The following LHFPL6 variants were observed in gnomAD, a reference collection of about 807,000 sequenced individuals.
LHFPL6 encodes LHFPL tetraspan subfamily member 6 protein.
In LHFPL6, 9 loss-of-function variants were observed where a neutral mutation model predicts 20.6. The ratio of observed to expected loss-of-function variants is 0.44; its 90% CI spans 0.26 to 0.76. LHFPL6 has a LOEUF of 0.76. Among genes scored for constraint, LHFPL6 ranks in the 30% least tolerant of loss-of-function variants. The probability of loss-of-function intolerance (pLI) is 0.20; values close to 1 mark genes in which losing one functional copy is unlikely to be tolerated. For synonymous variants in LHFPL6, 105 were observed against 98.7 expected (o/e 1.06, Z -0.38); for missense variants, 218 against 253.5 (o/e 0.86, Z 0.95).
At chr13:39,420,081 C>T (rs147545785) in intron 2 of LHFPL6, among the ~76,000 whole-genome samples, 1 of 152,272 alleles carries the variant, frequency 6.6e-6, no homozygotes, top group African/African-American at 2.4e-5. Flanking sequence ...GGCCTTTACG[C>T]TAACAGGCAA....
At chr13:39,414,656 AT>A (rs536657812) in intron 2 of LHFPL6, among the ~76,000 whole-genome samples, 5 of 151,782 alleles carry the variant, frequency 3.3e-5, no homozygotes, top group African/African-American at 1.2e-4. Context: ...CTGTGGGCTT[AT>A]TTTTTTTGCC....
chr13:39,595,650 T>C (rs954934071), intron 2 of LHFPL6, among the ~76,000 whole-genome samples: 1 of 152,288 alleles, frequency 6.6e-6, no homozygotes, highest in Non-Finnish European at 1.5e-5. Flanking sequence ...TGTTTCACCA[T>C]GTAGGCCTCC....
At chr13:39,517,932 C>T (rs1593345937) in intron 2 of LHFPL6, among the ~76,000 whole-genome samples, 1 of 152,170 alleles carries the variant, frequency 6.6e-6, no homozygotes, top group African/African-American at 2.4e-5. Context: ...CTCTGTTCCA[C>T]CCACCCCCAG....
intron 2 of LHFPL6, among the ~76,000 whole-genome samples, chr13:39,562,173 T>C (rs1006076079): frequency 1.3e-5 from 2 of 152,034 alleles, no homozygotes; most frequent in African/African-American, 2.4e-5. Flanking sequence ...TACCCTTTCA[T>C]TCCTCTAGGT....
chr13:39,571,053 A>T (rs1214296075), intron 2 of LHFPL6, among the ~76,000 whole-genome samples: 1 of 152,212 alleles, frequency 6.6e-6, no homozygotes, highest in Non-Finnish European at 1.5e-5. Flanking sequence ...TTCAGATTTT[A>T]GGCAAGCTTA....
At chr13:39,395,863 G>A (rs1431823527) in intron 2 of LHFPL6, among the ~76,000 whole-genome samples, 1 of 152,204 alleles carries the variant, frequency 6.6e-6, no homozygotes. Context: ...CTGAATGGCT[G>A]CTGGTGGCAA....
chr13:39,560,480 T>A lies in LHFPL6; in HGVS notation c.385+40352A>T, dbSNP rs1457949735. 4.7e-5 allele frequency among the ~76,000 whole-genome samples: 7 copies of A among 150,482 alleles called. No homozygotes were observed. The South Asian group carries it at 1.5e-3, about 32-fold the overall frequency. ...ACTGCCTGGGAGTGTTCAAGCACAA[T>A]CTCCTTTGGGTTATGCAAATTCTCT... On this transcript the variant is annotated intron_variant, in intron 2 of 3. Transcript: ENST00000379589.
intron 2 of LHFPL6, among the ~76,000 whole-genome samples, chr13:39,396,795 C>T (rs1870853197): frequency 1.3e-5 from 2 of 151,596 alleles, no homozygotes; most frequent in African/African-American, 4.8e-5. Context: ...GACACTGTCT[C>T]AAAAAGAAAA....
chr13:39,355,801 TAACGATA>T (rs1334414340), intron 3 of LHFPL6, among the ~76,000 whole-genome samples: 6 of 152,202 alleles, frequency 3.9e-5, no homozygotes, highest in Non-Finnish European at 7.3e-5. Context: ...GGGCATTACA[TAACGATA>T]AAGGGTTCAA....
chr13:39,364,098 T>C (rs1869949824), intron 3 of LHFPL6, among the ~76,000 whole-genome samples: 1 of 152,342 alleles, frequency 6.6e-6, no homozygotes, highest in Non-Finnish European at 1.5e-5. Context: ...ATGTAGTGCG[T>C]GACTGTACTT....
rs1014617064 is a variant in LHFPL6 at position 39,422,586 on chromosome 13, C to T, written c.386-44060G>A. On this transcript the variant is annotated intron_variant, in intron 2 of 3. Coordinates refer to ENST00000379589, the MANE Select transcript of LHFPL6 (RefSeq NM_005780.3). ...GGGCAACAAGAGCGAAACTCCAACT[C>T]AAAAAAAAAAAAAAAAAAGAAGAAG... Among the ~76,000 whole-genome samples the T allele has an allele frequency of 5.1e-5, 6 of 118,800 alleles. No homozygotes were observed. In the East Asian group the frequency reaches 1.6e-3, roughly 32 times the overall value. 77.9% of individuals were successfully genotyped at this position (118,800 alleles called of 152,430 possible). A position where few individuals can be genotyped will look rare whatever the true frequency, so the allele number is the denominator to read the frequency against.
At chr13:39,519,613 T>C (rs944652638) in intron 2 of LHFPL6, among the ~76,000 whole-genome samples, 4 of 152,252 alleles carry the variant, frequency 2.6e-5, no homozygotes, top group Admixed American at 2.6e-4. Context: ...ATTTTTTTCT[T>C]TTTCTTTTAA....
intron 2 of LHFPL6, among the ~76,000 whole-genome samples, chr13:39,391,145 C>T (rs1251748322): frequency 6.6e-6 from 1 of 152,202 alleles, no homozygotes; most frequent in African/African-American, 2.4e-5. Flanking sequence ...ACTCTGATGG[C>T]AGATACTACT....
intron 2 of LHFPL6, among the ~76,000 whole-genome samples, chr13:39,417,556 T>C (rs150422717): frequency 1.3e-5 from 2 of 152,296 alleles, no homozygotes; most frequent in South Asian, 2.1e-4. Context: ...CAAGGACCAA[T>C]TTTCCTTAAG....
In LHFPL6 at chr13:39,554,007, T is replaced by C. The variant is rs563861875; in HGVS notation, c.385+46825A>G. On this transcript the variant is annotated intron_variant, in intron 2 of 3. Coordinates refer to ENST00000379589, the MANE Select transcript of LHFPL6 (RefSeq NM_005780.3). The stretch of plus-strand genomic sequence containing the variant: ...GGTTGTCGTTTTAAGCTATGAAATT[T>C]TGAGGTGGCTTGTTATACCTTATGA... Among the ~76,000 whole-genome samples the C allele has an allele frequency of 1.5e-3, 231 of 152,362 alleles. 2 individuals are homozygous for C. The highest frequency in any genetic ancestry group is 5.1e-3 in the African/African-American group (214 of 41,600).
chr13:39,431,827 C>A (rs1871819556), intron 2 of LHFPL6, among the ~76,000 whole-genome samples: 1 of 151,982 alleles, frequency 6.6e-6, no homozygotes, highest in African/African-American at 2.4e-5. Flanking sequence ...CACTCCAGCC[C>A]AAGTCACCCT....
chr13:39,422,334 C>T (rs928163411), intron 2 of LHFPL6, among the ~76,000 whole-genome samples: 1 of 152,128 alleles, frequency 6.6e-6, no homozygotes, highest in Non-Finnish European at 1.5e-5. Flanking sequence ...AGCAGTGGCT[C>T]ACGCCTGTAA....
At chr13:39,595,035 T>C (rs566879345) in intron 2 of LHFPL6, among the ~76,000 whole-genome samples, 1 of 152,156 alleles carries the variant, frequency 6.6e-6, no homozygotes, top group South Asian at 2.1e-4. Flanking sequence ...AGTTAATGGG[T>C]GCAGCACACC....
intron 2 of LHFPL6, among the ~76,000 whole-genome samples, chr13:39,530,408 A>G (rs1870429687): frequency 6.6e-6 from 1 of 152,114 alleles, no homozygotes; most frequent in East Asian, 1.9e-4. Context: ...AAACTGGAGC[A>G]CCATATCTGC....
Sources: gnomAD v4.1 joint callset for allele counts (sites outside exome capture counted in the v4.1 genomes callset) on GRCh38, gnomAD v4.1.1 for gene constraint, MANE v1.5 for transcripts, NCBI Gene and HGNC (gene_info 2026-07-23, HGNC 2026-07-21) for gene names.